BPNT2: variants seen among roughly 807,000 people sequenced by gnomAD.
BPNT2 encodes the protein 3'(2'), 5'-bisphosphate nucleotidase 2, also known as Golgi-resident adenosine 3',5'-bisphosphate 3'-phosphatase.
BPNT2 carries 11 observed loss-of-function variants against 29.3 expected under a neutral mutation model. The observed-to-expected ratio is 0.38, with a 90% CI of 0.24 to 0.62. The LOEUF (loss-of-function observed/expected upper bound fraction) is 0.62. Among genes scored for constraint, BPNT2 ranks in the 20% least tolerant of loss-of-function variants. The pLI, the probability that BPNT2 is intolerant of heterozygous loss-of-function variation, is 0.62. For missense variants in BPNT2, 459 were observed against 473.4 expected, an observed-to-expected ratio of 0.97 and a Z score of 0.28; for synonymous variants, 195 against 187.7, an observed-to-expected ratio of 1.04 and a Z score of -0.32.
At chr8:56,983,881 G>A (rs1027772059) in intron 1 of BPNT2, among the ~76,000 whole-genome samples, 1 of 152,058 alleles carries the variant, frequency 6.6e-6, no homozygotes, top group African/African-American at 2.4e-5. Context: ...TCATGGTGTG[G>A]TGACTTACCT....
chr8:56,966,941 T>C (rs1036112000), intron 3 of BPNT2, among the ~76,000 whole-genome samples: 1 of 152,246 alleles, frequency 6.6e-6, no homozygotes, highest in Admixed American at 6.5e-5. Context: ...AGAGGTGAGT[T>C]AGGTTTACAT....
intron 3 of BPNT2, among the ~76,000 whole-genome samples, chr8:56,972,025 G>A (rs1417307971): frequency 4.1e-5 from 6 of 148,042 alleles, no homozygotes; most frequent in Non-Finnish European, 6.0e-5. Context: ...AACCTGGGAG[G>A]TGGAGCCTGC....
intron 2 of BPNT2, 52 bp downstream of exon 2, chr8:56,979,983 T>C: frequency 6.4e-7 from 1 of 1,564,768 alleles, no homozygotes; most frequent in Non-Finnish European, 8.8e-7. Flanking sequence ...TTGGTTCTGG[T>C]TCTCTACTAC....
intron 1 of BPNT2, among the ~76,000 whole-genome samples, chr8:56,981,140 G>A (rs1490189113): frequency 2.0e-5 from 3 of 152,088 alleles, no homozygotes; most frequent in African/African-American, 7.2e-5. Flanking sequence ...ACACCCTCAG[G>A]TGTGACAAAC....
rs1453118074 is a variant in BPNT2, at chr8:56,958,710, T to A, written c.*5083A>T. On this transcript the variant is annotated 3_prime_UTR_variant, in exon 5 of 5. Coordinates refer to ENST00000262644, the MANE Select transcript of BPNT2 (RefSeq NM_017813.5). The stretch of plus-strand genomic sequence containing the variant: ...GTGCATATACATCTAGTTCCTGAAG[T>A]CCACACTGCCAAAAGGGAAAAACAA... 1 of 152,166 alleles carries A rather than the reference T, an allele frequency of 6.6e-6. No individual in the cohort carries two copies. Among genetic ancestry groups the A allele is most frequent in the African/African-American group, 2.4e-5 (1 of 41,428 alleles). The allele number at this position is 152,166 out of a possible 1,614,324, so 9.4% of individuals were successfully genotyped here.
chr8:56,979,939 T>G (rs1204076692), intron 2 of BPNT2, 96 bp downstream of exon 2: 2 of 1,138,182 alleles, frequency 1.8e-6, no homozygotes, highest in African/African-American at 3.0e-5. Flanking sequence ...TACTGAACAA[T>G]CAGTGAGCCA....
chr8:56,971,920 C>T (rs1806042225), intron 3 of BPNT2, among the ~76,000 whole-genome samples: 1 of 150,982 alleles, frequency 6.6e-6, no homozygotes, highest in Non-Finnish European at 1.5e-5. Flanking sequence ...ATGGTGATAC[C>T]CCGTCTCTAC....
At position 56,988,039 on chromosome 8, in the gene BPNT2, T is replaced by C. The variant is rs562839821; in HGVS notation, c.387+5160A>G. On this transcript the variant is annotated intron_variant, in intron 1 of 4. Transcript: ENST00000262644. ...CACCACGCCAGGCCTCAATAACTAT[T>C]TTCTAAACATATAAATAAACGTACC... is the stretch of plus-strand genomic sequence containing the variant. Among the ~76,000 whole-genome samples, 10 of 152,234 alleles carry C rather than the reference T, an allele frequency of 6.6e-5. 2 individuals are homozygous for C. In the South Asian group the frequency reaches 2.1e-3, roughly 32 times the overall value.
At chr8:56,972,095 A>G (rs1184947332) in intron 3 of BPNT2, among the ~76,000 whole-genome samples, 1 of 147,070 alleles carries the variant, frequency 6.8e-6, no homozygotes, top group Non-Finnish European at 1.5e-5. Flanking sequence ...CAAAAAAAAG[A>G]AAAAAAAAAA....
At position 56,961,375 on chromosome 8, in the gene BPNT2, C is replaced by T. The variant is rs1353217115; in HGVS notation, c.*2418G>A. The T allele has an allele frequency of 2.6e-5, 4 of 151,944 alleles. No homozygotes were observed. Among genetic ancestry groups the T allele is most frequent in the East Asian group, 3.8e-4 (2 of 5,198 alleles). The allele number at this position is 151,944 out of a possible 1,614,324, so 9.4% of individuals were successfully genotyped here. On this transcript the variant is annotated 3_prime_UTR_variant, in exon 5 of 5. Transcript: ENST00000262644. ...ATAAATACTGTTCCTAATTCTGCAA[C>T]GTATATTGGCTTTTAAAAACAAACA...
Position 56,960,963 on chromosome 8 carries a change from GGAGT to G in BPNT2, c.*2826_*2829del, listed in dbSNP as rs1438146314. The G allele has an allele frequency of 6.6e-6, 1 of 152,090 alleles. No individual in the cohort carries two copies. The highest frequency in any genetic ancestry group is 1.5e-5 in the Non-Finnish European group (1 of 68,022). 9.4% of individuals were successfully genotyped at this position (152,090 alleles called of 1,614,324 possible). The stretch of plus-strand genomic sequence containing the variant: ...AAAAATGTATATCTAAAAGAATTTG[GGAGT>G]GAGAGTTGTGAGGGAAGTATCCTGG... On this transcript the variant is annotated 3_prime_UTR_variant, in exon 5 of 5. Coordinates refer to ENST00000262644, the MANE Select transcript of BPNT2 (RefSeq NM_017813.5).
chr8:56,981,506 A>C (rs1178223461), intron 1 of BPNT2, among the ~76,000 whole-genome samples: 1 of 152,192 alleles, frequency 6.6e-6, no homozygotes, highest in Non-Finnish European at 1.5e-5. Flanking sequence ...TGGAGGTTGC[A>C]GTGAGCCAAG....
intron 3 of BPNT2, among the ~76,000 whole-genome samples, chr8:56,975,623 C>CCTA: frequency 6.6e-6 from 1 of 152,062 alleles, no homozygotes; most frequent in East Asian, 1.9e-4. Context: ...ACATTTTGAA[C>CCTA]TTATGGTTTC....
chr8:56,991,838 G>A (rs1806421167), intron 1 of BPNT2, among the ~76,000 whole-genome samples: 1 of 151,928 alleles, frequency 6.6e-6, no homozygotes, highest in South Asian at 2.1e-4. Context: ...TTTTGGAAAG[G>A]GGGTAAAATA....
intron 1 of BPNT2, among the ~76,000 whole-genome samples, chr8:56,980,600 T>C (rs751761032): frequency 2.0e-5 from 3 of 150,264 alleles, no homozygotes; most frequent in East Asian, 1.9e-4. Context: ...AGACGTATCA[T>C]AGAATAGGGA....
intron 4 of BPNT2, chr8:56,964,360 G>A (rs927778580): frequency 1.0e-4 from 26 of 259,170 alleles, no homozygotes; most frequent in East Asian, 1.1e-4. Flanking sequence ...GTGCAACAGC[G>A]CGATCTTGGC....
rs553280526 is a variant in BPNT2, at chr8:56,978,092, G to T, written c.604C>A (p.Pro202Thr). The change falls in exon 3 of 5, where the codon CCC becomes ACC. Residue 202 changes from proline (P) to threonine (T), a missense_variant. Pro to Thr is a conservative substitution (Grantham distance 38). Transcript: ENST00000262644. ...GGCTTATGTATAACTCCTAGCATGGGTTTACCATTTACAGCCACACACACC... is the reference window on the plus strand; with the variant it reads ...GGCTTATGTATAACTCCTAGCATGGTTTTACCATTTACAGCCACACACACC... ...TMVCVAVNGK[P>T]MLGVIHKPFS... The T allele has an allele frequency of 1.9e-6, 3 of 1,612,226 alleles. No homozygotes were observed. In the African/African-American group the frequency reaches 4.0e-5, roughly 22 times the overall value.
chr8:56,981,376 C>T (rs1000844586), intron 1 of BPNT2, among the ~76,000 whole-genome samples: 2 of 152,174 alleles, frequency 1.3e-5, no homozygotes, highest in Admixed American at 6.5e-5. Flanking sequence ...GCCATCCTGG[C>T]CGACATGGTA....
In BPNT2 at chr8:56,990,628, G is replaced by A. The variant is rs147831170; in HGVS notation, c.387+2571C>T. 3.9e-5 allele frequency among the ~76,000 whole-genome samples: 6 copies of A among 152,268 alleles called. No individual in the cohort carries two copies. The East Asian group carries it at 1.2e-3, about 29-fold the overall frequency. On this transcript the variant is annotated intron_variant, in intron 1 of 4. Transcript: ENST00000262644. ...TGGGCATCAATTGACAAATGGAGCA[G>A]ATAATTCTTCGTCATAGGGGGCTGT... is the stretch of plus-strand genomic sequence containing the variant.
Sources: allele counts gnomAD v4.1 joint callset (sites outside exome capture counted in the v4.1 genomes callset), GRCh38; gene constraint gnomAD v4.1.1; transcripts MANE v1.5; gene names NCBI Gene and HGNC (gene_info 2026-07-23, HGNC 2026-07-21).